TUSC3: variants seen among roughly 807,000 people sequenced by gnomAD.
TUSC3 encodes tumor suppressor candidate 3, also known as dolichyl-diphosphooligosaccharide--protein glycosyltransferase subunit TUSC3.
In TUSC3, 45 loss-of-function variants were observed where a neutral mutation model predicts 44.8. The ratio of observed to expected loss-of-function variants is 1.00; its 90% confidence interval spans 0.79 to 1.29. The LOEUF is 1.29. Ranked by LOEUF, TUSC3 falls within the 50% of genes most tolerant of loss-of-function variation. The probability of loss-of-function intolerance (pLI) is 0.00; values close to 1 mark genes in which losing one functional copy is unlikely to be tolerated. For missense variants in TUSC3, 519 were observed against 437.9 expected (o/e 1.19, Z -1.65); for synonymous variants, 212 against 152.9 (o/e 1.39, Z -2.85).
chr8:15,620,741 G>T (rs1005284487), intron 1 of TUSC3, among the ~76,000 whole-genome samples: 1 of 152,052 alleles, frequency 6.6e-6, no homozygotes, highest in Non-Finnish European at 1.5e-5. Flanking sequence ...AATGAGTTTC[G>T]TATTACCTTG....
intron 1 of TUSC3, among the ~76,000 whole-genome samples, chr8:15,437,374 A>G (rs1799962280): frequency 6.6e-6 from 1 of 151,986 alleles, no homozygotes; most frequent in Admixed American, 6.6e-5. Context: ...TATTTTTCCT[A>G]ATGTTTCTGA....
At chr8:15,506,246 C>T (rs1450708981) in intron 2 of TUSC3, among the ~76,000 whole-genome samples, 1 of 152,142 alleles carries the variant, frequency 6.6e-6, no homozygotes, top group Non-Finnish European at 1.5e-5. Flanking sequence ...CCCCTGCCCT[C>T]CTCTCTCTCA....
At chr8:15,794,834 A>G in the TUSC3 span, among the ~76,000 whole-genome samples, 6 of 152,160 alleles carry the variant, frequency 3.9e-5, no homozygotes, top group Non-Finnish European at 8.8e-5. Flanking sequence ...CCTTTGCTCT[A>G]GAGAGACGAA....
chr8:15,474,990 T>G (rs1385501879), intron 1 of TUSC3, among the ~76,000 whole-genome samples: 1 of 152,014 alleles, frequency 6.6e-6, no homozygotes, highest in African/African-American at 2.4e-5. Context: ...AAAGATTCAT[T>G]TCCTTTTTTT....
intron 1 of TUSC3, among the ~76,000 whole-genome samples, chr8:15,597,605 T>G (rs144513574): frequency 5.9e-5 from 9 of 152,232 alleles, no homozygotes; most frequent in Admixed American, 3.3e-4. Context: ...TCTAAAATAC[T>G]AGTTGTATAA....
chr8:15,831,342 A>G, the TUSC3 span, among the ~76,000 whole-genome samples: 27,899 of 152,162 alleles, frequency 0.18, 2,761 homozygotes, highest in Admixed American at 0.28. Flanking sequence ...TAAGCCCACA[A>G]AGATGAGAAA....
chr8:15,505,503 G>C (rs773120013), intron 2 of TUSC3, among the ~76,000 whole-genome samples: 12 of 152,078 alleles, frequency 7.9e-5, no homozygotes, highest in Non-Finnish European at 1.5e-4. Context: ...ACATCTGTAC[G>C]TTTTTTATTG....
At chr8:15,721,307 T>C (rs1044459573) in intron 6 of TUSC3, among the ~76,000 whole-genome samples, 5 of 152,138 alleles carry the variant, frequency 3.3e-5, no homozygotes, top group African/African-American at 1.2e-4. Flanking sequence ...TTTGGTGATA[T>C]GAAATGAGTA....
At chr8:15,619,954 T>G (rs1426819366) in intron 1 of TUSC3, among the ~76,000 whole-genome samples, 2 of 152,148 alleles carry the variant, frequency 1.3e-5, no homozygotes, top group African/African-American at 4.8e-5. Context: ...GAAATAACAG[T>G]GCAAGGCTGA....
intron 6 of TUSC3, among the ~76,000 whole-genome samples, chr8:15,703,141 A>G (rs929704199): frequency 3.3e-5 from 5 of 152,154 alleles, no homozygotes; most frequent in Non-Finnish European, 4.4e-5. Context: ...ATAGCTTGCT[A>G]TTATTAGGGA....
intron 1 of TUSC3, among the ~76,000 whole-genome samples, chr8:15,618,520 A>G (rs1042763656): frequency 6.6e-6 from 1 of 152,098 alleles, no homozygotes; most frequent in Non-Finnish European, 1.5e-5. Context: ...CCACCTCCAC[A>G]TCTTGTCCCA....
chr8:15,806,611 T>A, the TUSC3 span: 3 of 1,446,234 alleles, frequency 2.1e-6, no homozygotes, highest in African/African-American at 2.8e-5. Context: ...AGTGATCATC[T>A]TCTTCAGATC....
In TUSC3 at chr8:15,502,369, C is replaced by A. The variant is rs1362833077; in HGVS notation, n.189+18886C>A. On this transcript the variant is annotated intron_variant and non_coding_transcript_variant, in intron 2 of 5. Coordinates refer to the TUSC3 transcript ENST00000503191. ...ATCTGTTCTATTCACCTTTTTCAGC[C>A]CTCAGACTGCTTTTCAGAATGCCAT... Among the ~76,000 whole-genome samples the A allele has an allele frequency of 2.6e-5, 4 of 152,230 alleles. No individual in the cohort carries two copies. The East Asian group carries it at 7.7e-4, about 29-fold the overall frequency.
intron 7 of TUSC3, among the ~76,000 whole-genome samples, chr8:15,738,166 A>G (rs1025784758): frequency 6.6e-6 from 1 of 152,170 alleles, no homozygotes; most frequent in Non-Finnish European, 1.5e-5. Context: ...TGAGAAAGAG[A>G]TCATACTTAC....
the TUSC3 span, among the ~76,000 whole-genome samples, chr8:15,797,232 G>C: frequency 2.0e-5 from 3 of 152,164 alleles, no homozygotes; most frequent in African/African-American, 7.2e-5. Context: ...TGTTGGTTTG[G>C]GCCCTATGCA....
At chr8:15,851,333 C>T in the TUSC3 span, among the ~76,000 whole-genome samples, 5 of 152,158 alleles carry the variant, frequency 3.3e-5, no homozygotes, top group African/African-American at 1.2e-4. Context: ...AAGGATCTTA[C>T]ATTCTAGAGA....
At chr8:15,446,229 C>T (rs1432523651) in intron 1 of TUSC3, among the ~76,000 whole-genome samples, 5 of 151,458 alleles carry the variant, frequency 3.3e-5, no homozygotes, top group Admixed American at 6.6e-5. Flanking sequence ...CAGAGAGGCT[C>T]CTCACTTCCT....
intron 6 of TUSC3, among the ~76,000 whole-genome samples, chr8:15,687,973 C>T (rs912304177): frequency 6.6e-6 from 1 of 151,968 alleles, no homozygotes; most frequent in African/African-American, 2.4e-5. Flanking sequence ...GTTAATTATT[C>T]TCTGAGTATC....
chr8:15,749,676 T>C (rs1811606671), intron 9 of TUSC3, among the ~76,000 whole-genome samples: 1 of 151,640 alleles, frequency 6.6e-6, no homozygotes, highest in Non-Finnish European at 1.5e-5. Context: ...CCAATTTTGG[T>C]TTTGATGATG....
Sources: allele counts gnomAD v4.1 joint callset (sites outside exome capture counted in the v4.1 genomes callset), GRCh38; gene constraint gnomAD v4.1.1; transcripts MANE v1.5; gene names NCBI Gene and HGNC (gene_info 2026-07-23, HGNC 2026-07-21).